Variants in GSN observed in about 807,000 individuals in gnomAD.
The protein encoded by GSN is actin-depolymerizing factor.
Under a neutral mutation model 85.7 loss-of-function variants are expected in GSN, and 56 were observed. The observed-to-expected ratio is 0.65, with a 90% CI of 0.53 to 0.82. The LOEUF is 0.82. Ranked by LOEUF, GSN falls within the 40% of genes least tolerant of loss-of-function variation. The pLI is 0.00. For missense variants in GSN, 857 were observed against 979.8 expected (o/e 0.87, Z 1.67); for synonymous variants, 373 against 399.1 (o/e 0.93, Z 0.78).
intron 4 of GSN, among the ~76,000 whole-genome samples, chr9:121,228,419 TATATA>T (rs1246367760): frequency 1.7e-5 from 1 of 58,328 alleles, no homozygotes; most frequent in Non-Finnish European, 3.0e-5. Context: ...TATATATATA[TATATA>T]TTTTTTTTTT....
chr9:121,212,372 T>C (rs1008211504), intron 4 of GSN, among the ~76,000 whole-genome samples: 1 of 152,102 alleles, frequency 6.6e-6, no homozygotes, highest in African/African-American at 2.4e-5. Flanking sequence ...GTCCCTAGTT[T>C]ATTGGATTGT....
chr9:121,326,211 A>G (rs1301154909), intron 12 of GSN, among the ~76,000 whole-genome samples: 1 of 151,452 alleles, frequency 6.6e-6, no homozygotes, highest in Non-Finnish European at 1.5e-5. Flanking sequence ...GCTTCTATTT[A>G]AGGGAACATT....
chr9:121,275,390 G>A (rs1381461625), intron 1 of GSN, among the ~76,000 whole-genome samples: 1 of 152,214 alleles, frequency 6.6e-6, no homozygotes, highest in Non-Finnish European at 1.5e-5. Context: ...GTGCAATCAT[G>A]TGGATGCTGG....
chr9:121,281,899 A>C (rs1456332768), intron 2 of GSN: 1 of 471,210 alleles, frequency 2.1e-6, no homozygotes, highest in African/African-American at 2.0e-5. Context: ...TCTGTAGAAG[A>C]GCAGAGTCCC....
intron 11 of GSN, among the ~76,000 whole-genome samples, chr9:121,323,631 A>C (rs916993700): frequency 1.3e-5 from 2 of 152,080 alleles, no homozygotes; most frequent in Non-Finnish European, 2.9e-5. Flanking sequence ...TGGCCTCCCA[A>C]AGTGCTGGGA....
chr9:121,263,254 C>T (rs1234294870), upstream of GSN, among the ~76,000 whole-genome samples: 5 of 151,912 alleles, frequency 3.3e-5, no homozygotes, highest in East Asian at 1.9e-4. Context: ...TGTGGAGTTG[C>T]GAGTAGAAAT....
intron 2 of GSN, among the ~76,000 whole-genome samples, chr9:121,301,489 A>C (rs1260655283): frequency 2.0e-5 from 3 of 152,108 alleles, no homozygotes; most frequent in Non-Finnish European, 4.4e-5. Flanking sequence ...AGCCAGGCAT[A>C]GTATCGCATG....
chr9:121,230,194 TA>T (rs2054359980), intron 4 of GSN, among the ~76,000 whole-genome samples: 2 of 152,190 alleles, frequency 1.3e-5, no homozygotes, highest in Non-Finnish European at 2.9e-5. Context: ...TGTTTTCTGG[TA>T]CCAGATATTC....
intron 6 of GSN, among the ~76,000 whole-genome samples, chr9:121,253,637 A>G (rs1393282657): frequency 1.3e-5 from 2 of 152,226 alleles, no homozygotes; most frequent in African/African-American, 4.8e-5. Context: ...ATGGAGTGAC[A>G]TATTTACCAG....
intron 4 of GSN, chr9:121,310,461 G>T: frequency 1.7e-6 from 1 of 588,194 alleles, no homozygotes; most frequent in Admixed American, 2.6e-5. Flanking sequence ...GTGTGGCCTT[G>T]GGCAAATTTT....
At chr9:121,319,594 A>G (rs1487533430) in intron 10 of GSN, among the ~76,000 whole-genome samples, 4 of 151,952 alleles carry the variant, frequency 2.6e-5, no homozygotes, top group Admixed American at 2.0e-4. Flanking sequence ...AAGTGTTGGA[A>G]TTACAGGCAT....
In GSN at chr9:121,302,032, C is replaced by A. The variant is rs373791435; in HGVS notation, c.61C>A (p.Arg21Ser). The change falls in exon 3 of 18, where the codon CGT becomes AGT. Residue 21 changes from arginine (R) to serine (S), a missense_variant. Arg to Ser is a moderately radical substitution (Grantham distance 110, BLOSUM62 -1). Coordinates refer to ENST00000432226, the MANE Select transcript of GSN (RefSeq NM_198252.3). ...GAAGGAGCCTGGCCTGCAGATCTGGCGTGTGGAGAAGTTCGATCTGGTGCC... is the reference window on the plus strand; with the variant it reads ...GAAGGAGCCTGGCCTGCAGATCTGGAGTGTGGAGAAGTTCGATCTGGTGCC... Reference protein sequence around the residue: ...AGKEPGLQIWRVEKFDLVPVP... With the variant: ...AGKEPGLQIWSVEKFDLVPVP... 1 of 1,614,240 alleles carries A rather than the reference C, an allele frequency of 6.2e-7. No homozygotes were observed. The highest frequency in any genetic ancestry group is 2.2e-5 in the East Asian group (1 of 44,886).
At chr9:121,267,701 G>T (rs999949622), upstream of GSN, among the ~76,000 whole-genome samples, 3 of 152,116 alleles carry the variant, frequency 2.0e-5, no homozygotes, top group Admixed American at 6.5e-5. Flanking sequence ...ATTCCCTTCC[G>T]TGGGAGGGAA....
Position 121,327,372 on chromosome 9 carries a change from CCTA to C in GSN, c.1654_1656del (p.Tyr552del). Reference sequence around the variant, plus strand: ...TTTGTTCTGAAAACCCCCTCAGCCGCCTACCTGTGGGTGGGTACAGGAGCCAGC... The same window carrying C: ...TTTGTTCTGAAAACCCCCTCAGCCGCCCTGTGGGTGGGTACAGGAGCCAGC... On this transcript the variant is annotated inframe_deletion, in exon 14 of 18. Transcript: ENST00000432226. The C allele has an allele frequency of 6.2e-7, 1 of 1,613,810 alleles. No individual in the cohort carries two copies. Among genetic ancestry groups the C allele is most frequent in the Non-Finnish European group, 8.5e-7 (1 of 1,179,758 alleles).
chr9:121,274,304 A>G (rs2056386119), intron 1 of GSN, among the ~76,000 whole-genome samples: 1 of 152,098 alleles, frequency 6.6e-6, no homozygotes, highest in Non-Finnish European at 1.5e-5. Flanking sequence ...TTCATCACTC[A>G]CTATTATTCT....
At chr9:121,253,549 G>A (rs1486409034) in intron 6 of GSN, among the ~76,000 whole-genome samples, 3 of 152,186 alleles carry the variant, frequency 2.0e-5, no homozygotes, top group Non-Finnish European at 4.4e-5. Context: ...CTGGAGTCAC[G>A]GGACAGGTTC....
intron 4 of GSN, among the ~76,000 whole-genome samples, chr9:121,307,602 C>T (rs2060552019): frequency 6.6e-6 from 1 of 152,182 alleles, no homozygotes; most frequent in South Asian, 2.1e-4. Flanking sequence ...AGTTTCCTTG[C>T]CTTTGAAGTG....
chr9:121,236,251 G>T (rs1043617594), intron 5 of GSN, among the ~76,000 whole-genome samples: 3 of 152,064 alleles, frequency 2.0e-5, no homozygotes, highest in African/African-American at 7.2e-5. Flanking sequence ...ACAGAGTCTT[G>T]CTGTGTTGCC....
Position 121,332,694 on chromosome 9 carries a change from C to A in GSN, c.*91C>A. 2 of 916,328 alleles carry A rather than the reference C, an allele frequency of 2.2e-6. No individual in the cohort carries two copies. Among genetic ancestry groups the A allele is most frequent in the East Asian group, 2.6e-5 (1 of 37,884 alleles). The allele number at this position is 916,328 out of a possible 1,614,324, so 56.8% of individuals were successfully genotyped here. ...CCTTAGAGCGAGCAGAGCAGCTCTG[C>A]TATGAGTGTGTGTGTGTGTGTGTGT... is the stretch of plus-strand genomic sequence containing the variant. On this transcript the variant is annotated 3_prime_UTR_variant, in exon 18 of 18. Coordinates refer to ENST00000432226, the MANE Select transcript of GSN (RefSeq NM_198252.3). This position sits in a 1 kb window ranked among gnomAD's most constrained non-coding sequence, Gnocchi z 4.8.
Sources: gnomAD v4.1 joint callset for allele counts (sites outside exome capture counted in the v4.1 genomes callset) on GRCh38, gnomAD v4.1.1 for gene constraint, Gnocchi (gnomAD v3.1) non-coding constraint, MANE v1.5 for transcripts, NCBI Gene and HGNC (gene_info 2026-07-23, HGNC 2026-07-21) for gene names.